The following SEL1L variants were observed in gnomAD, a reference collection of about 807,000 sequenced individuals.
SEL1L encodes the protein SEL1L adaptor subunit of SYVN1 ubiquitin ligase.
A neutral mutation model predicts 109.8 loss-of-function variants in SEL1L; 52 were observed. The observed-to-expected ratio is 0.47, with a 90% CI of 0.38 to 0.60. The LOEUF (loss-of-function observed/expected upper bound fraction) is 0.60. SEL1L is among the 20% of genes least tolerant of loss of function. The pLI is 0.00. For missense variants in SEL1L, 749 were observed against 962.2 expected (o/e 0.78, Z 2.93); for synonymous variants, 373 against 339.6 (o/e 1.10, Z -1.08).
At chr14:81,512,814 C>G (rs184278027) in intron 3 of SEL1L, among the ~76,000 whole-genome samples, 1 of 152,150 alleles carries the variant, frequency 6.6e-6, no homozygotes, top group Admixed American at 6.5e-5. Flanking sequence ...CTTATGATGG[C>G]GTTTTAATTA....
chr14:81,484,985 G>A lies in SEL1L; in HGVS notation c.1874-588C>T, dbSNP rs186345794. On this transcript the variant is annotated intron_variant, in intron 18 of 20. Transcript: ENST00000336735. ...AGCTTGACCATTTAGGTTTGGAGAAGGGAACAGGCAGAGAATGTTGAAAGG... is the reference window on the plus strand; with the variant it reads ...AGCTTGACCATTTAGGTTTGGAGAAAGGAACAGGCAGAGAATGTTGAAAGG... 3.9e-5 allele frequency among the ~76,000 whole-genome samples: 6 copies of A among 152,252 alleles called. No homozygotes were observed. In the East Asian group the frequency reaches 5.8e-4, roughly 15 times the overall value.
intron 3 of SEL1L, among the ~76,000 whole-genome samples, chr14:81,517,392 G>A (rs950898592): frequency 5.9e-5 from 9 of 152,302 alleles, no homozygotes; most frequent in African/African-American, 2.2e-4. Context: ...TTACAAGTTT[G>A]AACTGCTCTC....
intron 5 of SEL1L, 120 bp from the exon 6 acceptor site, chr14:81,503,003 T>A: frequency 2.5e-6 from 2 of 787,532 alleles, no homozygotes; most frequent in Non-Finnish European, 3.9e-6. Flanking sequence ...CCTTTGATAA[T>A]CTTTTTGAGA....
chr14:81,502,605 T>A, intron 6 of SEL1L, 116 bp downstream of exon 6: 1 of 1,007,046 alleles, frequency 9.9e-7, no homozygotes, highest in South Asian at 1.8e-5. Context: ...AGCCACAAAA[T>A]TGGTATTTAT....
intron 19 of SEL1L, among the ~76,000 whole-genome samples, chr14:81,483,428 C>T (rs940405973): frequency 2.0e-5 from 3 of 152,088 alleles, no homozygotes; most frequent in Non-Finnish European, 4.4e-5. Context: ...AATTTATACA[C>T]TTGTTTGTTT....
chr14:81,515,139 C>A (rs1884648510), intron 3 of SEL1L, among the ~76,000 whole-genome samples: 1 of 152,136 alleles, frequency 6.6e-6, no homozygotes, highest in African/African-American at 2.4e-5. Context: ...GCAAAGAAAT[C>A]TCCAAAGGAC....
chr14:81,479,873 A>C, intron 19 of SEL1L, 133 bp from the exon 20 acceptor site: 1 of 808,902 alleles, frequency 1.2e-6, no homozygotes, highest in Non-Finnish European at 1.8e-6. Flanking sequence ...CTAAACAAAA[A>C]TGCCAAGCTT....
At chr14:81,497,191 A>C (rs1205878081) in intron 10 of SEL1L, among the ~76,000 whole-genome samples, 2 of 149,336 alleles carry the variant, frequency 1.3e-5, no homozygotes, top group Non-Finnish European at 2.9e-5. Flanking sequence ...TCTACGTTTC[A>C]CTACGTTTTT....
At chr14:81,479,553 C>T in intron 20 of SEL1L, 59 bp downstream of exon 20, 1 of 1,533,076 alleles carries the variant, frequency 6.5e-7, no homozygotes, top group East Asian at 2.3e-5. Context: ...GAAAAACAAA[C>T]CTCCAGGACA....
At position 81,472,171 on chromosome 14, in the gene SEL1L, G is replaced by A. The variant is rs1015069659; in HGVS notation, c.*4801C>T. 1.3e-5 allele frequency: 2 copies of A among 154,910 alleles called. No individual in the cohort carries two copies. Among genetic ancestry groups the A allele is most frequent in the Admixed American group, 1.3e-4 (2 of 15,612 alleles). 9.6% of individuals were successfully genotyped at this position (154,910 alleles called of 1,614,324 possible). ...ACTTGCCAGAAAGAGGCTAAGTGGT[G>A]AACAGGCAGGCATTGCCCCAGGTTG... On this transcript the variant is annotated 3_prime_UTR_variant, in exon 21 of 21. Coordinates refer to ENST00000336735, the MANE Select transcript of SEL1L (RefSeq NM_005065.6).
intron 3 of SEL1L, among the ~76,000 whole-genome samples, chr14:81,522,413 A>G (rs1884946766): frequency 6.6e-6 from 1 of 152,174 alleles, no homozygotes; most frequent in Admixed American, 6.5e-5. Flanking sequence ...CTTTTATACC[A>G]TATTTTTATG....
chr14:81,495,023 T>C lies in SEL1L; in HGVS notation c.1185+58A>G, dbSNP rs1047580008. On this transcript the variant is annotated intron_variant, in intron 11 of 20. Coordinates refer to ENST00000336735, the MANE Select transcript of SEL1L (RefSeq NM_005065.6). ...GGTATTGACTTAGCAAGAAATACATTGGGAACATCATTTCCTGCTAAAACT... is the reference window on the plus strand; with the variant it reads ...GGTATTGACTTAGCAAGAAATACATCGGGAACATCATTTCCTGCTAAAACT... The C allele has an allele frequency of 3.3e-6, 5 of 1,514,096 alleles. No homozygotes were observed. In the African/African-American group the frequency reaches 5.5e-5, roughly 17 times the overall value. The allele number at this position is 1,514,096 out of a possible 1,614,324, so 93.8% of individuals were successfully genotyped here. A position where few individuals can be genotyped will look rare whatever the true frequency, so the allele number is the denominator to read the frequency against.
intron 10 of SEL1L, 63 bp downstream of exon 10, chr14:81,497,829 G>C: frequency 6.8e-7 from 1 of 1,470,514 alleles, no homozygotes. Flanking sequence ...GCTTGCTCCC[G>C]TCCCCCACAG....
At position 81,477,850 on chromosome 14, in the gene SEL1L, G is replaced by C. The variant is rs1903217592; in HGVS notation, c.2176-669C>G. Reference sequence around the variant, plus strand: ...AGAAAAAAACAGTGGTGAGCCAAGGGGAGAAATTAGTATCTTGGCACAGCG... The same window carrying C: ...AGAAAAAAACAGTGGTGAGCCAAGGCGAGAAATTAGTATCTTGGCACAGCG... On this transcript the variant is annotated intron_variant, in intron 20 of 20. Coordinates refer to ENST00000336735, the MANE Select transcript of SEL1L (RefSeq NM_005065.6). Among the ~76,000 whole-genome samples, 3 of 152,138 alleles carry C rather than the reference G, an allele frequency of 2.0e-5. 1 individual carries two copies. The highest frequency in any genetic ancestry group is 2.0e-4 in the Admixed American group (3 of 15,268).
chr14:81,492,737 A>T (rs1441017568), intron 11 of SEL1L, among the ~76,000 whole-genome samples, 189 bp from the exon 12 acceptor site: 1 of 152,218 alleles, frequency 6.6e-6, no homozygotes, highest in Non-Finnish European at 1.5e-5. Flanking sequence ...TTTACCAAAT[A>T]ACAGTACCAT....
At chr14:81,512,950 G>A (rs1884546915) in intron 3 of SEL1L, among the ~76,000 whole-genome samples, 1 of 152,224 alleles carries the variant, frequency 6.6e-6, no homozygotes, top group African/African-American at 2.4e-5. Flanking sequence ...TACAAACTTA[G>A]ATTTTGGAAG....
chr14:81,502,959 C>T (rs1032493999), intron 5 of SEL1L, 76 bp from the exon 6 acceptor site: 33 of 1,167,308 alleles, frequency 2.8e-5, no homozygotes, highest in Middle Eastern at 5.0e-4. Flanking sequence ...TCTACTAAAA[C>T]GCAACATAAA....
chr14:81,502,592 G>A (rs1884059524), intron 6 of SEL1L, 129 bp downstream of exon 6: 12 of 887,004 alleles, frequency 1.4e-5, no homozygotes, highest in Non-Finnish European at 1.7e-5. Context: ...TGATAAAATG[G>A]TCAGCCACAA....
At chr14:81,507,123 G>A (rs1015533849) in intron 3 of SEL1L, among the ~76,000 whole-genome samples, 1 of 152,166 alleles carries the variant, frequency 6.6e-6, no homozygotes, top group Admixed American at 6.5e-5. Flanking sequence ...CAACAGAAGA[G>A]GCTAAAGCAG....
Sources: allele counts gnomAD v4.1 joint callset (sites outside exome capture counted in the v4.1 genomes callset), GRCh38; gene constraint gnomAD v4.1.1; transcripts MANE v1.5; gene names NCBI Gene and HGNC (gene_info 2026-07-23, HGNC 2026-07-21).